Variants in IP6K3 observed in about 807,000 individuals in gnomAD.
IP6K3 encodes the protein inositol hexakisphosphate kinase 3.
Under a neutral mutation model 28.8 loss-of-function variants are expected in IP6K3, and 20 were observed. The ratio of observed to expected loss-of-function variants is 0.70; its 90% confidence interval spans 0.49 to 1.01. The LOEUF is 1.01. IP6K3 is among the 50% of genes least tolerant of loss of function. The pLI is 0.00. For synonymous variants in IP6K3, 213 were observed against 221.3 expected (o/e 0.96, Z 0.33); for missense variants, 480 against 537.1 (o/e 0.89, Z 1.05).
chr6:33,735,252 C>T (rs201406867), intron 2 of IP6K3, 26 bp downstream of exon 2: 21 of 1,601,270 alleles, frequency 1.3e-5, no homozygotes, highest in East Asian at 9.0e-5. Flanking sequence ...AGCACCCAGA[C>T]GTGGCCTGGC....
the IP6K3 span, among the ~76,000 whole-genome samples, chr6:33,760,305 G>C: frequency 1.3e-5 from 2 of 152,224 alleles, no homozygotes; most frequent in Non-Finnish European, 2.9e-5. Context: ...CAGGCTCAGG[G>C]TCTTATGTTT....
chr6:33,742,168 G>A lies in IP6K3; in HGVS notation c.-180+4590C>T, dbSNP rs149759636. Among the ~76,000 whole-genome samples the A allele has an allele frequency of 2.1e-4, 32 of 152,244 alleles. No homozygotes were observed. Among genetic ancestry groups the A allele is most frequent in the African/African-American group, 7.7e-4 (32 of 41,542 alleles). ...GTCAGAATGGTTGCAGAGTTTTCCC[G>A]GGGTCCAGAGCTATCAGGCACCAAT... On this transcript the variant is annotated intron_variant, in intron 1 of 5. Transcript: ENST00000293756. The surrounding 1 kb of genome is among the most constrained non-coding windows in gnomAD (Gnocchi z 4.5).
At chr6:33,748,563 C>T (rs1766972503), upstream of IP6K3, among the ~76,000 whole-genome samples, 1 of 142,174 alleles carries the variant, frequency 7.0e-6, no homozygotes, top group African/African-American at 2.6e-5. Flanking sequence ...TGCTTGAGCT[C>T]AGAAGGCTGA....
At position 33,722,215 on chromosome 6, in the gene IP6K3, C is replaced by A; in HGVS notation, c.*505G>T. 2 of 152,608 alleles carry A rather than the reference C, an allele frequency of 1.3e-5. No homozygotes were observed. Among genetic ancestry groups the A allele is most frequent in the South Asian group, 2.0e-4 (1 of 4,882 alleles). 9.5% of individuals were successfully genotyped at this position (152,608 alleles called of 1,614,324 possible). ...AGATCTCTTCTGCTTCATCCTGTGT[C>A]ACCTAAAACTCCGCTTAGGAAGATA... On this transcript the variant is annotated 3_prime_UTR_variant, in exon 6 of 6. Coordinates refer to ENST00000293756, the MANE Select transcript of IP6K3 (RefSeq NM_054111.5).
the IP6K3 span, among the ~76,000 whole-genome samples, chr6:33,756,373 C>T: frequency 3.3e-5 from 5 of 150,984 alleles, no homozygotes; most frequent in African/African-American, 4.9e-5. Flanking sequence ...CAGGAAGAGG[C>T]GCTGCAAGTG....
At position 33,725,437 on chromosome 6, in the gene IP6K3, C is replaced by T. The variant is rs769517845; in HGVS notation, c.765+4G>A. 6.2e-7 allele frequency: 1 copy of T among 1,606,520 alleles called. No individual in the cohort carries two copies. The highest frequency in any genetic ancestry group is 8.5e-7 in the Non-Finnish European group (1 of 1,178,456). On this transcript the variant is annotated splice_donor_region_variant and intron_variant, in intron 5 of 5. Transcript: ENST00000293756. ...CCCCCTGTGGTGGGTCCCCTGCGAC[C>T]TACCTGCATGCCGCAGATGCGCACA... is the stretch of plus-strand genomic sequence containing the variant.
At chr6:33,740,478 C>A (rs1232748601) in intron 1 of IP6K3, among the ~76,000 whole-genome samples, 1 of 152,224 alleles carries the variant, frequency 6.6e-6, no homozygotes, top group African/African-American at 2.4e-5. Context: ...GCTCCGCAGC[C>A]CCACAGGGCC....
At chr6:33,761,120 G>A in the IP6K3 span, among the ~76,000 whole-genome samples, 1 of 152,136 alleles carries the variant, frequency 6.6e-6, no homozygotes, top group Non-Finnish European at 1.5e-5. Context: ...GTTTTGGCAG[G>A]GAACCTCCCC....
At chr6:33,743,458 A>T (rs1433706387) in intron 1 of IP6K3, among the ~76,000 whole-genome samples, 1 of 152,126 alleles carries the variant, frequency 6.6e-6, no homozygotes, top group African/African-American at 2.4e-5. Context: ...AGATGAGAGG[A>T]CCCAAAAACC....
In IP6K3 at chr6:33,724,488, G is replaced by A. The variant is rs1766023484; in HGVS notation, c.765+953C>T. Among the ~76,000 whole-genome samples the A allele has an allele frequency of 3.9e-5, 6 of 152,292 alleles. No individual in the cohort carries two copies. In the South Asian group the frequency reaches 1.2e-3, roughly 32 times the overall value. On this transcript the variant is annotated intron_variant, in intron 5 of 5. Transcript: ENST00000293756. ...GAGTAGAGGAAGTTTATTTTATCCTGTTCTCCTGCAGCCCCTGTCATAAGC... is the reference window on the plus strand; with the variant it reads ...GAGTAGAGGAAGTTTATTTTATCCTATTCTCCTGCAGCCCCTGTCATAAGC...
the IP6K3 span, among the ~76,000 whole-genome samples, chr6:33,754,312 C>T: frequency 4.6e-5 from 7 of 152,056 alleles, no homozygotes; most frequent in South Asian, 8.3e-4. Context: ...AGGTGCAAGG[C>T]GGCATCTCTC....
intron 4 of IP6K3, 36 bp from the exon 5 acceptor site, chr6:33,725,652 TCAGAACTG>T: frequency 6.3e-7 from 1 of 1,580,020 alleles, no homozygotes; most frequent in Non-Finnish European, 8.7e-7. Flanking sequence ...TCTGAGGACT[TCAGAACTG>T]CTGCTCCGCC....
rs190409951 is a variant in IP6K3 at position 33,724,697 on chromosome 6, G to A, written c.765+744C>T. Among the ~76,000 whole-genome samples the A allele has an allele frequency of 2.6e-4, 39 of 152,332 alleles. No individual in the cohort carries two copies. The East Asian group carries it at 6.2e-3, about 24-fold the overall frequency. ...AATTTAAAGAGCTGACTGCCATACA[G>A]CATCTAAGAAGGAGAGAATTCAGCT... On this transcript the variant is annotated intron_variant, in intron 5 of 5. Transcript: ENST00000293756.
chr6:33,728,337 T>C, intron 2 of IP6K3, 37 bp from the exon 3 acceptor site: 1 of 1,592,332 alleles, frequency 6.3e-7, no homozygotes, highest in Non-Finnish European at 8.6e-7. Flanking sequence ...GAGGAGCCAG[T>C]TGAGAGAGCC....
the IP6K3 span, among the ~76,000 whole-genome samples, chr6:33,754,569 G>A: frequency 6.6e-6 from 1 of 152,074 alleles, no homozygotes; most frequent in African/African-American, 2.4e-5. Context: ...GGGCTGGCGG[G>A]GCTGAAGCTG....
intron 5 of IP6K3, among the ~76,000 whole-genome samples, chr6:33,725,100 G>T (rs1766047150): frequency 6.6e-6 from 1 of 152,082 alleles, no homozygotes; most frequent in South Asian, 2.1e-4. Context: ...GTGGGGGTGG[G>T]CACCTGTAGT....
chr6:33,754,344 C>G, the IP6K3 span, among the ~76,000 whole-genome samples: 1 of 152,052 alleles, frequency 6.6e-6, no homozygotes. Flanking sequence ...AGGTGCGGGG[C>G]TGGGGCTGTG....
rs146490272 is a variant in IP6K3, at chr6:33,743,865, CTT to C, written c.-180+2891_-180+2892del. On this transcript the variant is annotated intron_variant, in intron 1 of 5. Coordinates refer to ENST00000293756, the MANE Select transcript of IP6K3 (RefSeq NM_054111.5). The stretch of plus-strand genomic sequence containing the variant: ...TATCCTTTGAGAGGGTTTTTTTTTT[CTT>C]TTTTTTTTCTTAACATTTAAAATCT... Among the ~76,000 whole-genome samples, 489 of 146,116 alleles carry C rather than the reference CTT, an allele frequency of 3.3e-3. 3 individuals are homozygous for C. Among genetic ancestry groups the C allele is most frequent in the African/African-American group, 0.011 (437 of 40,028 alleles).
chr6:33,756,519 T>C, the IP6K3 span, among the ~76,000 whole-genome samples: 4 of 152,090 alleles, frequency 2.6e-5, no homozygotes, highest in Non-Finnish European at 5.9e-5. Flanking sequence ...AGAGAGACTC[T>C]TTGGCTTCTC....
Sources: gnomAD v4.1 joint callset for allele counts (sites outside exome capture counted in the v4.1 genomes callset) on GRCh38, gnomAD v4.1.1 for gene constraint, Gnocchi (gnomAD v3.1) non-coding constraint, MANE v1.5 for transcripts, NCBI Gene and HGNC (gene_info 2026-07-23, HGNC 2026-07-21) for gene names.